MAGI2: variants seen among roughly 807,000 people sequenced by gnomAD.
MAGI2 encodes the protein membrane associated guanylate kinase, WW and PDZ domain containing 2, also known as membrane-associated guanylate kinase, WW and PDZ domain-containing protein 2.
In MAGI2, 35 loss-of-function variants were observed where a neutral mutation model predicts 133.3. That is an observed-to-expected ratio of 0.26 (90% CI 0.20 to 0.35). The LOEUF (loss-of-function observed/expected upper bound fraction) is 0.35, where lower values mean the gene tolerates loss of function less well. Among genes scored for constraint, MAGI2 ranks in the 10% least tolerant of loss-of-function variants. The probability of loss-of-function intolerance (pLI) is 1.00; values close to 1 mark genes in which losing one functional copy is unlikely to be tolerated. For synonymous variants in MAGI2, 729 were observed against 710.6 expected, an observed-to-expected ratio of 1.03 and a Z score of -0.41; for missense variants, 1,636 against 1,863.4, an observed-to-expected ratio of 0.88 and a Z score of 2.25.
At chr7:79,381,975 A>C (rs923067968) in intron 1 of MAGI2, among the ~76,000 whole-genome samples, 1 of 151,730 alleles carries the variant, frequency 6.6e-6, no homozygotes, top group African/African-American at 2.4e-5. Flanking sequence ...CTAAAAGTAC[A>C]GCTTAAGTGT....
chr7:79,430,923 A>T (rs1157231258), intron 1 of MAGI2, among the ~76,000 whole-genome samples: 1 of 152,204 alleles, frequency 6.6e-6, no homozygotes, highest in Non-Finnish European at 1.5e-5. Context: ...TCAAATTGCT[A>T]ACTTCAAGTA....
intron 2 of MAGI2, among the ~76,000 whole-genome samples, chr7:78,815,211 A>G (rs1789458766): frequency 6.6e-6 from 1 of 152,160 alleles, no homozygotes; most frequent in Admixed American, 6.5e-5. Flanking sequence ...ATCTGCATAT[A>G]TATCACTCAG....
At chr7:78,072,813 G>A (rs1430646358) in intron 21 of MAGI2, 3 of 397,306 alleles carry the variant, frequency 7.6e-6, no homozygotes, top group Admixed American at 4.4e-5. Context: ...GACCACAGGA[G>A]TATGCCACCA....
At chr7:79,274,967 A>C (rs1585400075) in intron 1 of MAGI2, among the ~76,000 whole-genome samples, 1 of 152,178 alleles carries the variant, frequency 6.6e-6, no homozygotes, top group South Asian at 2.1e-4. Flanking sequence ...TAAGTGTTCT[A>C]ACTGCTCCAC....
chr7:78,512,402 T>TTTTAGAATTTA (rs1795679842), intron 4 of MAGI2, among the ~76,000 whole-genome samples: 1 of 152,118 alleles, frequency 6.6e-6, no homozygotes, highest in Non-Finnish European at 1.5e-5. Context: ...ATATGTAATT[T>TTTTAGAATTTA]TTTAGAATTT....
chr7:78,185,868 T>C, intron 12 of MAGI2, among the ~76,000 whole-genome samples, 198 bp from the exon 13 acceptor site: 1 of 152,196 alleles, frequency 6.6e-6, no homozygotes, highest in East Asian at 1.9e-4. Flanking sequence ...GTAAATATGT[T>C]TCTTTTACAT....
chr7:78,356,355 G>A (rs373986483), intron 7 of MAGI2, among the ~76,000 whole-genome samples: 1 of 152,132 alleles, frequency 6.6e-6, no homozygotes, highest in Non-Finnish European at 1.5e-5. Context: ...GGAGGGAGTT[G>A]TTAAAGGATA....
intron 6 of MAGI2, among the ~76,000 whole-genome samples, chr7:78,383,378 T>A (rs752935232): frequency 1.3e-5 from 2 of 152,144 alleles, no homozygotes; most frequent in Non-Finnish European, 2.9e-5. Flanking sequence ...TACTGATTAT[T>A]TTTTACATAT....
chr7:79,242,411 T>C (rs1310481891), intron 1 of MAGI2, among the ~76,000 whole-genome samples: 3 of 152,216 alleles, frequency 2.0e-5, no homozygotes, highest in Non-Finnish European at 2.9e-5. Flanking sequence ...CTTCTCTTTG[T>C]TATACTTTTC....
At chr7:78,843,578 T>C (rs930119313) in intron 2 of MAGI2, among the ~76,000 whole-genome samples, 2 of 151,986 alleles carry the variant, frequency 1.3e-5, no homozygotes, top group Admixed American at 6.6e-5. Flanking sequence ...ATATTTGGCT[T>C]GTCTGCATAT....
chr7:78,224,696 T>A (rs1262430900), intron 10 of MAGI2, among the ~76,000 whole-genome samples: 1 of 99,886 alleles, frequency 1.0e-5, no homozygotes, highest in Non-Finnish European at 1.9e-5. Flanking sequence ...CAACGTAAAT[T>A]TTTTTTTTTT....
chr7:78,679,251 C>T (rs1815387714), intron 2 of MAGI2, among the ~76,000 whole-genome samples: 1 of 152,058 alleles, frequency 6.6e-6, no homozygotes, highest in Non-Finnish European at 1.5e-5. Flanking sequence ...CTTACAGCAT[C>T]TTGTACATAT....
intron 2 of MAGI2, among the ~76,000 whole-genome samples, chr7:78,661,948 A>G (rs924285265): frequency 4.6e-5 from 7 of 152,206 alleles, no homozygotes; most frequent in African/African-American, 1.7e-4. Context: ...GTATTTAAAG[A>G]CAAGAAACAA....
intron 2 of MAGI2, among the ~76,000 whole-genome samples, chr7:78,684,209 A>G (rs1028351083): frequency 3.3e-5 from 5 of 152,148 alleles, no homozygotes; most frequent in African/African-American, 4.8e-5. Context: ...AGATTCTCCA[A>G]ACATATTTCA....
At chr7:78,922,507 A>G (rs1380243301) in intron 2 of MAGI2, among the ~76,000 whole-genome samples, 1 of 151,690 alleles carries the variant, frequency 6.6e-6, no homozygotes, top group Non-Finnish European at 1.5e-5. Context: ...CCATGTCCCT[A>G]CAAAGGACAT....
chr7:78,830,573 T>G (rs1214565349), intron 2 of MAGI2, among the ~76,000 whole-genome samples: 2 of 152,192 alleles, frequency 1.3e-5, no homozygotes, highest in African/African-American at 4.8e-5. Flanking sequence ...GTATTCTGGT[T>G]AAAATAATAT....
chr7:79,375,426 CAT>C (rs1225791730), intron 1 of MAGI2, among the ~76,000 whole-genome samples: 1 of 151,926 alleles, frequency 6.6e-6, no homozygotes, highest in African/African-American at 2.4e-5. Flanking sequence ...TCCTACTGTG[CAT>C]ATAGTTAGAA....
intron 1 of MAGI2, among the ~76,000 whole-genome samples, chr7:79,255,865 T>C (rs1185199779): frequency 6.6e-6 from 1 of 152,140 alleles, no homozygotes; most frequent in Non-Finnish European, 1.5e-5. Context: ...ACCCAAACCA[T>C]TGTGGCAAAA....
chr7:78,998,856 AT>A (rs925326127), intron 2 of MAGI2, among the ~76,000 whole-genome samples: 9 of 151,948 alleles, frequency 5.9e-5, no homozygotes, highest in Non-Finnish European at 1.2e-4. Flanking sequence ...ATGGAATCCT[AT>A]TTTTTTCTAT....
Sources: gnomAD v4.1 joint callset for allele counts (sites outside exome capture counted in the v4.1 genomes callset) on GRCh38, gnomAD v4.1.1 for gene constraint, MANE v1.5 for transcripts, NCBI Gene and HGNC (gene_info 2026-07-23, HGNC 2026-07-21) for gene names.